NDUFS6: variants seen among roughly 807,000 people sequenced by gnomAD.
NDUFS6 encodes NADH:ubiquinone oxidoreductase subunit S6.
NDUFS6 carries 14 observed loss-of-function variants against 13.2 expected under a neutral mutation model. The ratio of observed to expected loss-of-function variants is 1.06; its 90% CI spans 0.70 to 1.66. NDUFS6 has a LOEUF of 1.66. Ranked by LOEUF, NDUFS6 falls within the 40% of genes most tolerant of loss-of-function variation. The probability of loss-of-function intolerance (pLI) is 0.00; values close to 1 mark genes in which losing one functional copy is unlikely to be tolerated. For synonymous variants in NDUFS6, 95 were observed against 72.3 expected (o/e 1.31, Z -1.60); for missense variants, 206 against 170.8 (o/e 1.21, Z -1.15).
chr5:1,814,004 C>T lies in NDUFS6; in HGVS notation c.187-335C>T, dbSNP rs1176010153. 6.6e-6 allele frequency among the ~76,000 whole-genome samples: 1 copy of T among 152,206 alleles called. No individual in the cohort carries two copies. Among genetic ancestry groups the T allele is most frequent in the African/African-American group, 2.4e-5 (1 of 41,456 alleles). On this transcript the variant is annotated intron_variant, in intron 2 of 3. Transcript: ENST00000274137. This position sits in a 1 kb window ranked among gnomAD's most constrained non-coding sequence, Gnocchi z 4.9. ...AGACAGGCCCGAGCAATACAAATGT[C>T]CTCAGGTGGGACAGAACGATGTGGT...
intron 2 of NDUFS6, among the ~76,000 whole-genome samples, chr5:1,813,969 A>G (rs977016271): frequency 7.9e-5 from 12 of 152,350 alleles, no homozygotes; most frequent in Admixed American, 1.3e-4. Context: ...CGCACATGGG[A>G]GCCTGTGACA....
rs1238744035 is a variant in NDUFS6 at position 1,814,424 on chromosome 5, G to A, written c.272G>A (p.Gly91Glu). The change falls in exon 3 of 4, where the codon GGG becomes GAG. Residue 91 changes from glycine (G) to glutamate (E), a missense_variant. Physicochemically the swap from Gly to Glu is moderately conservative, Grantham distance 98. Transcript: ENST00000274137. This position sits in a 1 kb window ranked among gnomAD's most constrained non-coding sequence, Gnocchi z 4.9. ...CGGGTGATAGCGTGCGATGGCGGCG[G>A]GGGAGCTCTTGGCCACCCAAAAGTG... ...ETRVIACDGG[G>E]GALGHPKVYI... 3 of 1,614,144 alleles carry A rather than the reference G, an allele frequency of 1.9e-6. No individual in the cohort carries two copies. The highest frequency in any genetic ancestry group is 2.2e-5 in the East Asian group (1 of 44,876).
At chr5:1,804,534 C>T (rs1734095715) in intron 2 of NDUFS6, among the ~76,000 whole-genome samples, 1 of 152,232 alleles carries the variant, frequency 6.6e-6, no homozygotes, top group Non-Finnish European at 1.5e-5. Flanking sequence ...TCCTGAGTGT[C>T]CAGGGCACGT....
chr5:1,807,180 G>GGTACTCAGAGGTACTGCGTGAT lies in NDUFS6; in HGVS notation c.186+4822_186+4823insCGTGATGTACTCAGAGGTACTG, dbSNP rs1561104773. Among the ~76,000 whole-genome samples, 1,387 of 152,068 alleles carry GGTACTCAGAGGTACTGCGTGAT rather than the reference G, an allele frequency of 9.1e-3. 30 individuals are homozygous for GGTACTCAGAGGTACTGCGTGAT. Among genetic ancestry groups the GGTACTCAGAGGTACTGCGTGAT allele is most frequent in the African/African-American group, 0.031 (1,276 of 41,306 alleles). ...TGAGGTACTCAGAGGTACTGCGTGA[G>GGTACTCAGAGGTACTGCGTGAT]GTACTCAGAGGTACTGTGTGAACAC... On this transcript the variant is annotated intron_variant, in intron 2 of 3. Transcript: ENST00000274137.
chr5:1,808,941 A>G (rs1280279262), intron 2 of NDUFS6, among the ~76,000 whole-genome samples: 2 of 152,198 alleles, frequency 1.3e-5, no homozygotes, highest in African/African-American at 2.4e-5. Flanking sequence ...TTAAATGTCC[A>G]TGAATGGGGT....
At chr5:1,807,208 T>TGTGAGGTACTCAGA (rs1734141216) in intron 2 of NDUFS6, among the ~76,000 whole-genome samples, 1 of 20,478 alleles carries the variant, frequency 4.9e-5, no homozygotes, top group South Asian at 1.3e-3. Context: ...GTGAACACTG[T>TGTGAGGTACTCAGA]GTGATTCCTC....
chr5:1,805,440 T>C (rs4975731), intron 2 of NDUFS6, among the ~76,000 whole-genome samples: 140,384 of 152,332 alleles, frequency 0.92, 65,216 homozygotes, highest in Non-Finnish European at 0.97. Flanking sequence ...GAAAGTATCT[T>C]TGTGTGGCTC....
intron 2 of NDUFS6, among the ~76,000 whole-genome samples, chr5:1,809,236 C>T (rs976958038): frequency 5.3e-5 from 8 of 152,160 alleles, no homozygotes; most frequent in East Asian, 1.9e-4. Flanking sequence ...TATGATGTGC[C>T]GTGTGCTTAA....
At chr5:1,804,167 A>T (rs548718908) in intron 2 of NDUFS6, among the ~76,000 whole-genome samples, 1 of 152,338 alleles carries the variant, frequency 6.6e-6, no homozygotes, top group South Asian at 2.1e-4. Flanking sequence ...TAGGAGCCCC[A>T]GATTGAGCAG....
intron 2 of NDUFS6, among the ~76,000 whole-genome samples, chr5:1,808,936 T>A (rs1346810545): frequency 6.6e-6 from 1 of 152,226 alleles, no homozygotes; most frequent in East Asian, 1.9e-4. Flanking sequence ...TTATTTTAAA[T>A]GTCCATGAAT....
chr5:1,807,791 C>A (rs1734150473), intron 2 of NDUFS6, among the ~76,000 whole-genome samples: 1 of 152,252 alleles, frequency 6.6e-6, no homozygotes, highest in Admixed American at 6.5e-5. Context: ...CGTGCGTGCA[C>A]ACACACACTG....
intron 2 of NDUFS6, among the ~76,000 whole-genome samples, chr5:1,807,746 G>A (rs760070871): frequency 6.6e-6 from 1 of 152,244 alleles, no homozygotes; most frequent in African/African-American, 2.4e-5. Context: ...CATCTCTTGA[G>A]GCCAGCGCAG....
At chr5:1,802,711 G>T (rs1466314018) in intron 2 of NDUFS6, among the ~76,000 whole-genome samples, 2 of 152,152 alleles carry the variant, frequency 1.3e-5, no homozygotes, top group Non-Finnish European at 2.9e-5. Context: ...ACCTGGAGGT[G>T]TGTTTTTTAT....
At chr5:1,802,916 A>AT (rs5865385) in intron 2 of NDUFS6, among the ~76,000 whole-genome samples, 71,715 of 147,736 alleles carry the variant, frequency 0.49, 19,922 homozygotes, top group Middle Eastern at 0.64. Context: ...AAATCAGCCT[A>AT]TTTTTTTTTT....
chr5:1,813,615 T>C (rs936279143), intron 2 of NDUFS6, among the ~76,000 whole-genome samples: 3 of 152,180 alleles, frequency 2.0e-5, no homozygotes, highest in Non-Finnish European at 2.9e-5. Flanking sequence ...ACTTTTTTCA[T>C]TCCGTTTTGA....
intron 2 of NDUFS6, among the ~76,000 whole-genome samples, chr5:1,806,676 G>T (rs550591308): frequency 6.6e-6 from 1 of 152,200 alleles, no homozygotes; most frequent in South Asian, 2.1e-4. Flanking sequence ...GGGTGACGGC[G>T]TGGAGCAACT....
intron 2 of NDUFS6, among the ~76,000 whole-genome samples, chr5:1,805,699 A>G (rs1371616153): frequency 1.3e-5 from 2 of 152,374 alleles, no homozygotes; most frequent in East Asian, 3.9e-4. Context: ...ATTGCTTTAT[A>G]GTCGTACAAG....
At chr5:1,810,882 A>G (rs1425087687) in intron 2 of NDUFS6, among the ~76,000 whole-genome samples, 2 of 152,108 alleles carry the variant, frequency 1.3e-5, no homozygotes, top group Non-Finnish European at 2.9e-5. Context: ...ATTTATCTGT[A>G]TGTAAGTTGA....
At chr5:1,809,870 G>C (rs1734191451) in intron 2 of NDUFS6, among the ~76,000 whole-genome samples, 1 of 152,226 alleles carries the variant, frequency 6.6e-6, no homozygotes, top group South Asian at 2.1e-4. Context: ...TGTGTTGCTG[G>C]AGCGTGTGGA....
Sources: gnomAD v4.1 joint callset for allele counts (sites outside exome capture counted in the v4.1 genomes callset) on GRCh38, gnomAD v4.1.1 for gene constraint, Gnocchi (gnomAD v3.1) non-coding constraint, MANE v1.5 for transcripts, NCBI Gene and HGNC (gene_info 2026-07-23, HGNC 2026-07-21) for gene names.